Variants in DRD2 observed in about 807,000 individuals in gnomAD.
DRD2 encodes dopamine receptor D2, also known as D(2) dopamine receptor.
DRD2 carries 8 observed loss-of-function variants against 38.0 expected under a neutral mutation model. The ratio of observed to expected loss-of-function variants is 0.21; its 90% CI spans 0.12 to 0.38. The LOEUF (loss-of-function observed/expected upper bound fraction) is 0.38, where lower values mean the gene tolerates loss of function less well. Ranked by LOEUF, DRD2 falls within the 10% of genes least tolerant of loss-of-function variation. DRD2 has a pLI of 1.00. For missense variants in DRD2, 403 were observed against 607.7 expected (o/e 0.66, Z 3.54); for synonymous variants, 230 against 238.6 (o/e 0.96, Z 0.33).
At chr11:113,428,455 G>A (rs141125385) in intron 1 of DRD2, among the ~76,000 whole-genome samples, 4 of 152,302 alleles carry the variant, frequency 2.6e-5, no homozygotes, top group African/African-American at 7.2e-5. Flanking sequence ...GCCAAAAACT[G>A]TCAGTTGCCA....
intron 1 of DRD2, among the ~76,000 whole-genome samples, chr11:113,434,917 T>C (rs1951021905): frequency 6.6e-6 from 1 of 152,160 alleles, no homozygotes; most frequent in Non-Finnish European, 1.5e-5. Context: ...CACAGTTCCT[T>C]GCCCAGCTAT....
intron 1 of DRD2, among the ~76,000 whole-genome samples, chr11:113,436,548 C>T (rs1327122351): frequency 2.6e-5 from 4 of 151,908 alleles, no homozygotes; most frequent in African/African-American, 9.7e-5. Context: ...GAGTCCTTAT[C>T]CTTTAGAGAT....
At chr11:113,455,224 G>T (rs756767796) in intron 1 of DRD2, among the ~76,000 whole-genome samples, 1 of 152,016 alleles carries the variant, frequency 6.6e-6, no homozygotes, top group East Asian at 1.9e-4. Context: ...TTAGCCAGGC[G>T]TGGTGGCAGA....
chr11:113,414,341 G>A (rs1349090321), intron 6 of DRD2, 34 bp downstream of exon 6: 1 of 1,601,254 alleles, frequency 6.2e-7, no homozygotes, highest in Non-Finnish European at 8.6e-7. Flanking sequence ...GGGGCAGAAA[G>A]ACCTGGCTCT....
intron 1 of DRD2, among the ~76,000 whole-genome samples, chr11:113,472,268 G>C (rs1488120094): frequency 6.6e-6 from 1 of 152,190 alleles, no homozygotes; most frequent in Non-Finnish European, 1.5e-5. Context: ...TTGCAGGGGA[G>C]ATGGAAACCA....
intron 1 of DRD2, among the ~76,000 whole-genome samples, chr11:113,428,550 C>T (rs1409665149): frequency 6.6e-6 from 1 of 152,194 alleles, no homozygotes; most frequent in Non-Finnish European, 1.5e-5. Flanking sequence ...AGTTGATGTT[C>T]AGGAGCATAT....
At chr11:113,442,741 A>T (rs1336170744) in intron 1 of DRD2, among the ~76,000 whole-genome samples, 1 of 152,196 alleles carries the variant, frequency 6.6e-6, no homozygotes, top group Non-Finnish European at 1.5e-5. Context: ...GGAAGCGCTA[A>T]TCTCTTCAGC....
At chr11:113,452,008 C>T (rs2119911750) in intron 1 of DRD2, among the ~76,000 whole-genome samples, 1 of 152,296 alleles carries the variant, frequency 6.6e-6, no homozygotes, top group African/African-American at 2.4e-5. Flanking sequence ...CTGGCCCCCT[C>T]CAGCCCAACA....
At chr11:113,431,708 C>T (rs1211960256) in intron 1 of DRD2, among the ~76,000 whole-genome samples, 1 of 152,216 alleles carries the variant, frequency 6.6e-6, no homozygotes, top group East Asian at 1.9e-4. Context: ...TAGAATGCAT[C>T]AAGGTGCATA....
chr11:113,411,728 A>G (rs1950771514), intron 7 of DRD2: 2 of 152,436 alleles, frequency 1.3e-5, no homozygotes, highest in South Asian at 2.1e-4. Context: ...TCCCAGTCCC[A>G]TGATCGTGAG....
At position 113,470,761 on chromosome 11, in the gene DRD2, G is replaced by T. The variant is rs34164777; in HGVS notation, c.-32+4315C>A. On this transcript the variant is annotated intron_variant, in intron 1 of 7. Coordinates refer to ENST00000362072, the MANE Select transcript of DRD2 (RefSeq NM_000795.4). Reference sequence around the variant, plus strand: ...TACACTGTCCCATACTCTCCCAAATGCCCCTAGGAGTTTCCAGGCTTCTGA... The same window carrying T: ...TACACTGTCCCATACTCTCCCAAATTCCCCTAGGAGTTTCCAGGCTTCTGA... 1.2e-3 allele frequency among the ~76,000 whole-genome samples: 184 copies of T among 152,218 alleles called. 6 individuals carry two copies. The South Asian group carries it at 0.037, about 30-fold the overall frequency.
chr11:113,458,750 C>G (rs566500762), intron 1 of DRD2, among the ~76,000 whole-genome samples: 31 of 152,322 alleles, frequency 2.0e-4, no homozygotes, highest in African/African-American at 7.2e-4. Context: ...TATTTAAAAG[C>G]AGTCTCCAAC....
At chr11:113,415,336 C>T (rs1346141337) in intron 5 of DRD2, 85 bp downstream of exon 5, 2 of 1,501,144 alleles carry the variant, frequency 1.3e-6, no homozygotes, top group Non-Finnish European at 1.8e-6. Flanking sequence ...TGAGGTTTCC[C>T]AAGCCCCCAC....
chr11:113,411,088 T>C (rs917611265), intron 7 of DRD2, among the ~76,000 whole-genome samples, 168 bp from the exon 8 acceptor site: 3 of 152,094 alleles, frequency 2.0e-5, no homozygotes, highest in African/African-American at 7.2e-5. Context: ...CTGACACCCA[T>C]TTGCAGTGAA....
At chr11:113,419,968 G>A (rs777649547) in intron 2 of DRD2, among the ~76,000 whole-genome samples, 26 of 152,340 alleles carry the variant, frequency 1.7e-4, no homozygotes, top group Non-Finnish European at 3.1e-4. Context: ...GTGCTGCTGC[G>A]CTGACCAGTT....
chr11:113,446,237 C>G (rs762425301), intron 1 of DRD2, among the ~76,000 whole-genome samples: 1 of 152,150 alleles, frequency 6.6e-6, no homozygotes, highest in Non-Finnish European at 1.5e-5. Flanking sequence ...GGATCCCACC[C>G]TAGTTCCCCA....
rs201130366 is a variant in DRD2 at position 113,418,092 on chromosome 11, G to A, written c.330C>T (p.Phe110=). 5.8e-5 allele frequency: 94 copies of A among 1,614,072 alleles called. No individual in the cohort carries two copies. Among genetic ancestry groups the A allele is most frequent in the Non-Finnish European group, 7.4e-5 (87 of 1,180,050 alleles). ...WKFSRIHCDI[F]VTLDVMMCTA... ...TGCACATCATGACGTCCAGAGTGAC[G>A]AAGATGTCACAGTGAATCCTGCTGA... Residue 110 remains phenylalanine, a synonymous_variant, in exon 3 of 8, where the codon TTC becomes TTT. Transcript: ENST00000362072.
At chr11:113,472,582 C>T (rs756454865) in intron 1 of DRD2, among the ~76,000 whole-genome samples, 3 of 152,182 alleles carry the variant, frequency 2.0e-5, no homozygotes, top group Non-Finnish European at 2.9e-5. Context: ...CCTTTTTACC[C>T]CTACAAGCCT....
chr11:113,434,333 A>G (rs1454705308), intron 1 of DRD2, among the ~76,000 whole-genome samples: 2 of 152,218 alleles, frequency 1.3e-5, no homozygotes, highest in Non-Finnish European at 2.9e-5. Flanking sequence ...AGAGACGTCC[A>G]TGGAGATAGC....
Sources: gnomAD v4.1 joint callset for allele counts (sites outside exome capture counted in the v4.1 genomes callset) on GRCh38, gnomAD v4.1.1 for gene constraint, MANE v1.5 for transcripts, NCBI Gene and HGNC (gene_info 2026-07-23, HGNC 2026-07-21) for gene names.